Variants in SP110 observed in about 807,000 individuals in gnomAD.
SP110 encodes the protein interferon-induced protein 41, 30kD.
A neutral mutation model predicts 92.7 loss-of-function variants in SP110; 62 were observed. The observed-to-expected ratio is 0.67, with a 90% confidence interval of 0.55 to 0.83. The LOEUF (loss-of-function observed/expected upper bound fraction) is 0.83. SP110 is among the 40% of genes least tolerant of loss of function. SP110 has a pLI of 0.00. For synonymous variants in SP110, 273 were observed against 305.3 expected, an observed-to-expected ratio of 0.89 and a Z score of 1.10; for missense variants, 793 against 863.9, an observed-to-expected ratio of 0.92 and a Z score of 1.03.
At chr2:230,169,378 G>T in intron 18 of SP110, 141 bp from the exon 19 acceptor site, 1 of 684,820 alleles carries the variant, frequency 1.5e-6, no homozygotes, top group Non-Finnish European at 2.7e-6. Context: ...GCACCGTCAT[G>T]GCTCACTGCA....
At chr2:230,194,920 A>C (rs1213077777) in intron 10 of SP110, among the ~76,000 whole-genome samples, 2 of 152,240 alleles carry the variant, frequency 1.3e-5, no homozygotes, top group Middle Eastern at 3.4e-3. Context: ...GGGGTGGCCT[A>C]GGGGACAAGG....
chr2:230,199,749 T>C (rs80289620), intron 10 of SP110, among the ~76,000 whole-genome samples: 7,281 of 152,240 alleles, frequency 0.048, 246 homozygotes, highest in Non-Finnish European at 0.07. Flanking sequence ...AGAGAGTTTA[T>C]TTCCATTATC....
chr2:230,202,337 A>G (rs2043264509), intron 9 of SP110, among the ~76,000 whole-genome samples: 1 of 152,144 alleles, frequency 6.6e-6, no homozygotes, highest in South Asian at 2.1e-4. Context: ...TGAGACCAAA[A>G]AATTTGAGAG....
Position 230,202,726 on chromosome 2 carries a change from T to C in SP110, c.901A>G (p.Thr301Ala). The change falls in exon 9 of 19, where the codon ACA becomes GCA. Residue 301 changes from threonine to alanine, a missense_variant and splice_region_variant. By Grantham distance (58) the Thr-to-Ala change is moderately conservative. Coordinates refer to ENST00000258381, the MANE Select transcript of SP110 (RefSeq NM_080424.4). ...RHKKKSLPGG[T>A]ASSRHGIQKK... ...TGGATTCCGTGTCTAGATGAGGCTG[T>C]CCCTGGACCAAATAATGACTTGTTA... The C allele has an allele frequency of 1.9e-6, 3 of 1,614,158 alleles. No homozygotes were observed. The South Asian group carries it at 3.3e-5, about 18-fold the overall frequency.
chr2:230,205,619 G>A (rs1222958358), intron 8 of SP110, among the ~76,000 whole-genome samples: 3 of 152,058 alleles, frequency 2.0e-5, no homozygotes, highest in Non-Finnish European at 4.4e-5. Context: ...TCTGTCTTCA[G>A]CTTTCAGAAT....
intron 18 of SP110, 24 bp from the exon 19 acceptor site, chr2:230,169,261 A>G (rs192309250): frequency 7.7e-7 from 1 of 1,297,108 alleles, no homozygotes; most frequent in Admixed American, 1.7e-5. Context: ...AAGCAAACAA[A>G]CACATTGAAG....
intron 8 of SP110, among the ~76,000 whole-genome samples, chr2:230,204,774 G>A (rs1449736034): frequency 6.6e-6 from 1 of 152,196 alleles, no homozygotes; most frequent in Non-Finnish European, 1.5e-5. Flanking sequence ...TAATTTAGGG[G>A]TCAGAGTATG....
chr2:230,188,608 A>T (rs2042467882), intron 10 of SP110, among the ~76,000 whole-genome samples: 1 of 152,178 alleles, frequency 6.6e-6, no homozygotes, highest in African/African-American at 2.4e-5. Flanking sequence ...ATTTAGTATC[A>T]CATTGGCTGT....
intron 10 of SP110, among the ~76,000 whole-genome samples, chr2:230,195,275 T>C (rs2042817744): frequency 6.6e-6 from 1 of 152,104 alleles, no homozygotes; most frequent in Non-Finnish European, 1.5e-5. Context: ...GGAAATTGAA[T>C]TAGGGGATTG....
chr2:230,177,952 G>A (rs904291905), intron 13 of SP110, among the ~76,000 whole-genome samples: 5 of 152,204 alleles, frequency 3.3e-5, no homozygotes, highest in Non-Finnish European at 5.9e-5. Flanking sequence ...GGGCCCATGG[G>A]TGACTTCCAG....
At chr2:230,219,457 A>G in intron 1 of SP110, 1 of 152,226 alleles carries the variant, frequency 6.6e-6, no homozygotes, top group Non-Finnish European at 1.5e-5. Context: ...CAAGGAAATA[A>G]TCATGTATTT....
rs190433957 is a variant in SP110, at chr2:230,189,832, T to C, written c.1130-3689A>G. 1.3e-3 allele frequency among the ~76,000 whole-genome samples: 194 copies of C among 152,332 alleles called. 2 individuals carry two copies. The highest frequency in any genetic ancestry group is 0.012 in the Admixed American group (191 of 15,306). ...TCCTGTGTTACTTTGCTGAGGATGATGGGTTCCAGCTTCATCCATGTACCT... is the reference window on the plus strand; with the variant it reads ...TCCTGTGTTACTTTGCTGAGGATGACGGGTTCCAGCTTCATCCATGTACCT... On this transcript the variant is annotated intron_variant, in intron 10 of 18. Coordinates refer to ENST00000258381, the MANE Select transcript of SP110 (RefSeq NM_080424.4).
chr2:230,223,039 CT>C (rs34477714), upstream of SP110, among the ~76,000 whole-genome samples: 6,301 of 136,650 alleles, frequency 0.046, 146 homozygotes, highest in Middle Eastern at 0.085. Context: ...ATCAGTCTGA[CT>C]TTTTTTTTTT....
Position 230,177,790 on chromosome 2 carries a change from T to C in SP110, c.1448-110A>G, listed in dbSNP as rs976362453. 2.2e-5 allele frequency: 27 copies of C among 1,241,970 alleles called. No individual in the cohort carries two copies. The Admixed American group carries it at 4.5e-4, about 21-fold the overall frequency. 76.9% of individuals were successfully genotyped at this position (1,241,970 alleles called of 1,614,324 possible). On this transcript the variant is annotated intron_variant, in intron 13 of 18. Coordinates refer to ENST00000258381, the MANE Select transcript of SP110 (RefSeq NM_080424.4). Reference sequence around the variant, plus strand: ...CCTTTCCAGGTCAAGAGAGACTTCCTCTGTGAGGTGGAAGGAGTAGCAGGG... The same window carrying C: ...CCTTTCCAGGTCAAGAGAGACTTCCCCTGTGAGGTGGAAGGAGTAGCAGGG...
intron 6 of SP110, among the ~76,000 whole-genome samples, chr2:230,210,965 G>A (rs13385973): frequency 0.032 from 4,868 of 152,304 alleles, 200 homozygotes; most frequent in African/African-American, 0.094. Flanking sequence ...CATGTCTGCT[G>A]CAGCAATTCA....
chr2:230,200,992 G>A, intron 9 of SP110, 27 bp from the exon 10 acceptor site: 1 of 1,555,168 alleles, frequency 6.4e-7, no homozygotes, highest in Non-Finnish European at 8.9e-7. Flanking sequence ...CTTAGTAAAT[G>A]CCCCTTGGGA....
intron 10 of SP110, chr2:230,200,571 T>C (rs1006395903): frequency 3.2e-5 from 13 of 403,432 alleles, no homozygotes; most frequent in South Asian, 2.4e-4. Flanking sequence ...ACCATGAATA[T>C]ACTTAGGACA....
intron 11 of SP110, among the ~76,000 whole-genome samples, chr2:230,184,305 G>A (rs1221514204): frequency 6.6e-6 from 1 of 152,152 alleles, no homozygotes; most frequent in Non-Finnish European, 1.5e-5. Context: ...TATCACATAG[G>A]AAGGGCTTTT....
chr2:230,190,959 C>G (rs551173178), intron 10 of SP110, among the ~76,000 whole-genome samples: 1 of 152,160 alleles, frequency 6.6e-6, no homozygotes, highest in Non-Finnish European at 1.5e-5. Flanking sequence ...GTTACTGTAG[C>G]CTTGTCGTAT....
Sources: allele counts gnomAD v4.1 joint callset (sites outside exome capture counted in the v4.1 genomes callset), GRCh38; gene constraint gnomAD v4.1.1; transcripts MANE v1.5; gene names NCBI Gene and HGNC (gene_info 2026-07-23, HGNC 2026-07-21).